Variants in MGAT4C observed in about 807,000 individuals in gnomAD.
MGAT4C encodes the protein alpha-1,3-mannosyl-glycoprotein 4-beta-N-acetylglucosaminyltransferase C.
A neutral mutation model predicts 40.1 loss-of-function variants in MGAT4C; 19 were observed. That is an observed-to-expected ratio of 0.47 (90% CI 0.33 to 0.70). The LOEUF is 0.70. Ranked by LOEUF, MGAT4C falls within the 30% of genes least tolerant of loss-of-function variation. MGAT4C has a pLI of 0.02. For missense variants in MGAT4C, 491 were observed against 563.2 expected (o/e 0.87, Z 1.30); for synonymous variants, 181 against 187.1 (o/e 0.97, Z 0.27).
At chr12:86,533,468 C>T (rs1464056848) in intron 2 of MGAT4C, among the ~76,000 whole-genome samples, 1 of 151,814 alleles carries the variant, frequency 6.6e-6, no homozygotes, top group East Asian at 1.9e-4. Context: ...TAGTTTGGCT[C>T]TTCTACTCTG....
chr12:86,418,453 A>G (rs1334316753), intron 3 of MGAT4C, among the ~76,000 whole-genome samples: 1 of 152,096 alleles, frequency 6.6e-6, no homozygotes, highest in Non-Finnish European at 1.5e-5. Flanking sequence ...AAATACAGGC[A>G]TGGTGGAGCA....
At chr12:86,494,662 T>TA (rs1278453179) in intron 2 of MGAT4C, among the ~76,000 whole-genome samples, 1 of 150,546 alleles carries the variant, frequency 6.6e-6, no homozygotes, top group Non-Finnish European at 1.5e-5. Context: ...CAGGAAGAAA[T>TA]TAAAAACAAA....
At chr12:86,533,092 C>T (rs1015379695) in intron 2 of MGAT4C, among the ~76,000 whole-genome samples, 4 of 151,868 alleles carry the variant, frequency 2.6e-5, no homozygotes, top group African/African-American at 9.7e-5. Flanking sequence ...CATAAACTGG[C>T]CATGTCAGAA....
intron 3 of MGAT4C, among the ~76,000 whole-genome samples, chr12:86,434,737 A>G (rs910757183): frequency 6.6e-6 from 1 of 151,938 alleles, no homozygotes; most frequent in African/African-American, 2.4e-5. Context: ...GTGAATCCAA[A>G]GGCCGAATTT....
intron 1 of MGAT4C, among the ~76,000 whole-genome samples, chr12:86,235,924 C>T (rs1418295435): frequency 1.3e-5 from 2 of 152,040 alleles, no homozygotes; most frequent in Admixed American, 1.3e-4. Flanking sequence ...CTACCAACTA[C>T]TCCAAAAACC....
At chr12:86,097,377 A>G (rs1874127805) in intron 1 of MGAT4C, among the ~76,000 whole-genome samples, 2 of 151,728 alleles carry the variant, frequency 1.3e-5, no homozygotes, top group Non-Finnish European at 3.0e-5. Flanking sequence ...TGACTTTAGA[A>G]TAACAATGAA....
intron 1 of MGAT4C, among the ~76,000 whole-genome samples, chr12:86,771,114 A>G (rs1951626416): frequency 6.6e-6 from 1 of 152,154 alleles, no homozygotes; most frequent in African/African-American, 2.4e-5. Context: ...ACATGGAGAT[A>G]AGACAGCCAT....
chr12:86,498,035 A>C (rs1958274239), intron 2 of MGAT4C, among the ~76,000 whole-genome samples: 1 of 147,794 alleles, frequency 6.8e-6, no homozygotes, highest in African/African-American at 2.5e-5. Flanking sequence ...AATAATCTTT[A>C]TTCTAACCTG....
At chr12:86,167,132 T>C (rs992033725) in intron 1 of MGAT4C, among the ~76,000 whole-genome samples, 1 of 152,132 alleles carries the variant, frequency 6.6e-6, no homozygotes, top group Admixed American at 6.6e-5. Flanking sequence ...GACCTAAAAC[T>C]AGGTTTCTTA....
chr12:85,960,869 A>C lies in MGAT4C; in HGVS notation c.*18420T>G, dbSNP rs1883079858. On this transcript the variant is annotated 3_prime_UTR_variant, in exon 5 of 5. Coordinates refer to ENST00000611864, the MANE Select transcript of MGAT4C (RefSeq NM_001351288.2). ...GATTTGATTGATACTGAGCCTGTAA[A>C]TATTTATTTATATGATGTTTGGCAC... 1 of 151,960 alleles carries C rather than the reference A, an allele frequency of 6.6e-6. No individual in the cohort carries two copies. Among genetic ancestry groups the C allele is most frequent in the Non-Finnish European group, 1.5e-5 (1 of 67,858 alleles). 9.4% of individuals were successfully genotyped at this position (151,960 alleles called of 1,614,324 possible).
chr12:86,449,674 C>G (rs1380099522), intron 2 of MGAT4C, among the ~76,000 whole-genome samples: 4 of 152,028 alleles, frequency 2.6e-5, no homozygotes, highest in African/African-American at 9.7e-5. Flanking sequence ...TAATAGCACA[C>G]TATGTTTTAT....
chr12:86,449,353 T>C (rs1325951519), intron 2 of MGAT4C, among the ~76,000 whole-genome samples: 1 of 152,196 alleles, frequency 6.6e-6, no homozygotes, highest in African/African-American at 2.4e-5. Context: ...ATTCCAACTC[T>C]GCAATTTACT....
intron 3 of MGAT4C, among the ~76,000 whole-genome samples, chr12:86,346,214 TTTTTTG>T (rs950541110): frequency 1.7e-4 from 26 of 151,988 alleles, no homozygotes; most frequent in Non-Finnish European, 2.8e-4. Context: ...ACTAGGTAGT[TTTTTTG>T]TTTTTGTTTT....
chr12:85,989,892 T>G (rs950781674), intron 2 of MGAT4C, among the ~76,000 whole-genome samples: 2 of 152,074 alleles, frequency 1.3e-5, no homozygotes, highest in African/African-American at 4.8e-5. Flanking sequence ...TCAAGTCCAC[T>G]GTCATCAGTG....
At chr12:86,737,419 A>C (rs2136126364) in intron 1 of MGAT4C, among the ~76,000 whole-genome samples, 1 of 141,254 alleles carries the variant, frequency 7.1e-6, no homozygotes, top group South Asian at 2.2e-4. Context: ...TTTGCTGACT[A>C]CTTTTCCTCA....
At chr12:86,018,294 A>G (rs1337969939) in intron 2 of MGAT4C, among the ~76,000 whole-genome samples, 1 of 152,208 alleles carries the variant, frequency 6.6e-6, no homozygotes, top group African/African-American at 2.4e-5. Context: ...CATTTATATT[A>G]AAATCAACAG....
chr12:86,731,368 GAAT>G lies in MGAT4C; in HGVS notation c.-261-4130_-261-4128del, dbSNP rs530577220. On this transcript the variant is annotated intron_variant, in intron 1 of 7. Coordinates refer to the MGAT4C transcript ENST00000548651. ...CTTCTTTCACAGTGGTTTTCTCTAA[GAAT>G]AATACCCAAATAAATTTCTTGTATG... Among the ~76,000 whole-genome samples the G allele has an allele frequency of 5.7e-4, 87 of 152,106 alleles. 2 individuals carry two copies. Among genetic ancestry groups the G allele is most frequent in the Admixed American group, 1.8e-3 (27 of 15,266 alleles).
chr12:86,646,502 T>C (rs1963546792), intron 2 of MGAT4C, among the ~76,000 whole-genome samples: 1 of 151,952 alleles, frequency 6.6e-6, no homozygotes, highest in Non-Finnish European at 1.5e-5. Context: ...AAGCTGAGTA[T>C]AGACTACAAG....
At chr12:86,565,470 C>T (rs913382989) in intron 2 of MGAT4C, among the ~76,000 whole-genome samples, 1 of 152,188 alleles carries the variant, frequency 6.6e-6, no homozygotes, top group African/African-American at 2.4e-5. Flanking sequence ...ATTTCTAGGA[C>T]ATCCCTGAAG....
Sources: allele counts gnomAD v4.1 joint callset (sites outside exome capture counted in the v4.1 genomes callset), GRCh38; gene constraint gnomAD v4.1.1; transcripts MANE v1.5; gene names NCBI Gene and HGNC (gene_info 2026-07-23, HGNC 2026-07-21).